CHST11: variants seen among roughly 807,000 people sequenced by gnomAD.
CHST11 encodes the protein carbohydrate sulfotransferase 11, also known as C4S-1.
In CHST11, 9 loss-of-function variants were observed where a neutral mutation model predicts 30.4. That is an observed-to-expected ratio of 0.30 (90% CI 0.18 to 0.52). The LOEUF (loss-of-function observed/expected upper bound fraction) is 0.52. CHST11 is among the 20% of genes least tolerant of loss of function. The probability of loss-of-function intolerance (pLI) is 0.97; values close to 1 mark genes in which losing one functional copy is unlikely to be tolerated. For synonymous variants in CHST11, 152 were observed against 187.8 expected, an observed-to-expected ratio of 0.81 and a Z score of 1.56; for missense variants, 348 against 460.6, an observed-to-expected ratio of 0.76 and a Z score of 2.24.
intron 1 of CHST11, among the ~76,000 whole-genome samples, chr12:104,528,689 G>C (rs1363355571): frequency 6.6e-6 from 1 of 152,230 alleles, no homozygotes; most frequent in African/African-American, 2.4e-5. Context: ...TTCCTTTGGT[G>C]TTCAGATAGA....
intron 1 of CHST11, among the ~76,000 whole-genome samples, chr12:104,507,134 G>A (rs1188701352): frequency 6.6e-6 from 1 of 152,216 alleles, no homozygotes; most frequent in East Asian, 1.9e-4. Context: ...TGCAGGGACA[G>A]GTGGGGTAAG....
chr12:104,706,310 G>A (rs2040034350), intron 2 of CHST11, among the ~76,000 whole-genome samples: 1 of 151,866 alleles, frequency 6.6e-6, no homozygotes, highest in Non-Finnish European at 1.5e-5. Flanking sequence ...CTTGAACCTG[G>A]GAGGCGGAGG....
intron 2 of CHST11, among the ~76,000 whole-genome samples, chr12:104,754,359 A>C (rs2040458296): frequency 6.6e-6 from 1 of 152,182 alleles, no homozygotes; most frequent in African/African-American, 2.4e-5. Flanking sequence ...CTCTGTGGGT[A>C]GGTAATCGGG....
At chr12:104,639,390 AATATGGT>A (rs964568346) in intron 2 of CHST11, among the ~76,000 whole-genome samples, 25 of 152,226 alleles carry the variant, frequency 1.6e-4, no homozygotes, top group African/African-American at 5.3e-4. Flanking sequence ...GGATACACAA[AATATGGT>A]ATATCCATAC....
In CHST11 at chr12:104,734,871, G is replaced by C. The variant is rs114310214; in HGVS notation, c.205-22078G>C. On this transcript the variant is annotated intron_variant, in intron 2 of 2. Coordinates refer to ENST00000303694, the MANE Select transcript of CHST11 (RefSeq NM_018413.6). ...GGTTTGGGATGCTTAGACAAGGGTG[G>C]GGCCTGCGTTTATCTGATAAATAAC... Among the ~76,000 whole-genome samples the C allele has an allele frequency of 4.4e-3, 666 of 152,314 alleles. 4 individuals carry two copies. Among genetic ancestry groups the C allele is most frequent in the African/African-American group, 0.015 (643 of 41,580 alleles).
chr12:104,528,007 G>T (rs549945468), intron 1 of CHST11, among the ~76,000 whole-genome samples: 1 of 152,136 alleles, frequency 6.6e-6, no homozygotes. Context: ...CTCCCACCAG[G>T]TTCCTCCCTT....
intron 2 of CHST11, among the ~76,000 whole-genome samples, chr12:104,728,922 C>T (rs924285876): frequency 1.1e-4 from 16 of 152,126 alleles, no homozygotes; most frequent in African/African-American, 3.9e-4. Flanking sequence ...AGAGCAATGT[C>T]GTGCTGGTTA....
At chr12:104,640,535 T>G (rs1326589475) in intron 2 of CHST11, among the ~76,000 whole-genome samples, 1 of 152,200 alleles carries the variant, frequency 6.6e-6, no homozygotes, top group Non-Finnish European at 1.5e-5. Context: ...GGCAAATGTC[T>G]GTAAACAGCA....
intron 2 of CHST11, among the ~76,000 whole-genome samples, chr12:104,746,807 CCTTT>C (rs1555249486): frequency 2.0e-5 from 3 of 152,160 alleles, no homozygotes; most frequent in South Asian, 2.1e-4. Flanking sequence ...ATATTTTTCT[CCTTT>C]CTTTTCTAAA....
At chr12:104,663,970 T>A (rs567176943) in intron 2 of CHST11, among the ~76,000 whole-genome samples, 41 of 152,298 alleles carry the variant, frequency 2.7e-4, no homozygotes, top group African/African-American at 9.6e-4. Context: ...GCAGCCCCTG[T>A]CCACTAGGGT....
At chr12:104,752,532 A>G (rs2136146594) in intron 2 of CHST11, among the ~76,000 whole-genome samples, 1 of 150,810 alleles carries the variant, frequency 6.6e-6, no homozygotes, top group Admixed American at 6.6e-5. Flanking sequence ...TTATTTATTT[A>G]TTTATGTATT....
intron 1 of CHST11, among the ~76,000 whole-genome samples, chr12:104,565,827 T>G (rs1293258458): frequency 6.6e-6 from 1 of 152,206 alleles, no homozygotes; most frequent in Non-Finnish European, 1.5e-5. Context: ...GGCAGACTTC[T>G]GGCTCACCTC....
chr12:104,539,767 G>C (rs182163025), intron 1 of CHST11, among the ~76,000 whole-genome samples: 15 of 152,278 alleles, frequency 9.9e-5, no homozygotes, highest in African/African-American at 3.6e-4. Flanking sequence ...TTGGGGGATT[G>C]GTTCCAGAAC....
chr12:104,518,648 G>T (rs1282094482), intron 1 of CHST11, among the ~76,000 whole-genome samples: 1 of 152,162 alleles, frequency 6.6e-6, no homozygotes, highest in Non-Finnish European at 1.5e-5. Flanking sequence ...GTGTCACTTT[G>T]CAGGAAAAAC....
chr12:104,641,758 A>G (rs1050609226), intron 2 of CHST11, among the ~76,000 whole-genome samples: 10 of 152,170 alleles, frequency 6.6e-5, no homozygotes, highest in African/African-American at 2.4e-4. Context: ...ACCAGCAAAC[A>G]TGAGAAGGAG....
At chr12:104,669,045 A>T (rs2039666179) in intron 2 of CHST11, among the ~76,000 whole-genome samples, 1 of 152,166 alleles carries the variant, frequency 6.6e-6, no homozygotes, top group South Asian at 2.1e-4. Context: ...TCTGTGGGCA[A>T]GGAACACGGC....
intron 1 of CHST11, among the ~76,000 whole-genome samples, chr12:104,505,457 G>GGT (rs956311347): frequency 6.6e-6 from 1 of 152,128 alleles, no homozygotes; most frequent in Non-Finnish European, 1.5e-5. Context: ...ATAGGTCTGG[G>GGT]GTGTGGCCTG....
intron 2 of CHST11, among the ~76,000 whole-genome samples, chr12:104,720,295 CT>C (rs2040163877): frequency 6.6e-6 from 1 of 152,230 alleles, no homozygotes; most frequent in Admixed American, 6.5e-5. Context: ...AGGATTTTCC[CT>C]TTTTACAGAT....
At chr12:104,606,795 A>T (rs1325162082) in intron 2 of CHST11, among the ~76,000 whole-genome samples, 1 of 152,220 alleles carries the variant, frequency 6.6e-6, no homozygotes, top group Middle Eastern at 3.2e-3. Context: ...CAGGCTGGGC[A>T]CAGTGGCTCA....
Sources: gnomAD v4.1 joint callset for allele counts (sites outside exome capture counted in the v4.1 genomes callset) on GRCh38, gnomAD v4.1.1 for gene constraint, MANE v1.5 for transcripts, NCBI Gene and HGNC (gene_info 2026-07-23, HGNC 2026-07-21) for gene names.